Variants in GIGYF1 observed in about 807,000 individuals in gnomAD.
The protein encoded by GIGYF1 is GRB10 interacting GYF protein 1, also known as GRB10-interacting GYF protein 1.
GIGYF1 carries 84 observed loss-of-function variants against 147.1 expected under a neutral mutation model. The observed-to-expected ratio is 0.57, with a 90% confidence interval of 0.48 to 0.68. The LOEUF is 0.68. Ranked by LOEUF, GIGYF1 falls within the 30% of genes least tolerant of loss-of-function variation. GIGYF1 has a pLI of 0.00. For missense variants in GIGYF1, 1,485 were observed against 1,393.7 expected, an observed-to-expected ratio of 1.07 and a Z score of -1.04; for synonymous variants, 752 against 589.5, an observed-to-expected ratio of 1.28 and a Z score of -3.99.
At position 100,683,204 on chromosome 7, in the gene GIGYF1, C is replaced by G. The variant is rs776396510; in HGVS notation, c.2220G>C (p.Lys740Asn). The G allele has an allele frequency of 6.2e-7, 1 of 1,610,022 alleles. No individual in the cohort carries two copies. The highest frequency in any genetic ancestry group is 8.5e-7 in the Non-Finnish European group (1 of 1,179,850). Residue 740 changes from lysine to asparagine, a missense_variant, in exon 22 of 27, where the codon AAG becomes AAC. Lys to Asn is a moderately conservative substitution (Grantham distance 94, BLOSUM62 0). Coordinates refer to ENST00000678049, the MANE Select transcript of GIGYF1 (RefSeq NM_001375765.1). Reference protein sequence around the residue: ...KHVRQQELLLKLLQQQQAVPV... With the variant: ...KHVRQQELLLNLLQQQQAVPV... The stretch of plus-strand genomic sequence containing the variant: ...GGACCGCCTGCTGCTGCTGTAGCAA[C>G]TTCAGCAATAGCTCCTGCTGCCGCA...
chr7:100,688,263 G>A lies in GIGYF1; in HGVS notation c.-25C>T, dbSNP rs767669735. 1.9e-6 allele frequency: 3 copies of A among 1,597,142 alleles called. No individual in the cohort carries two copies. Among genetic ancestry groups the A allele is most frequent in the East Asian group, 2.2e-5 (1 of 44,684 alleles). ...TCGTGGGGCTGGGCGTGTTTGAGAG[G>A]CCGGGGGTGGGGAGGAGGGGACCTG... is the stretch of plus-strand genomic sequence containing the variant. On this transcript the variant is annotated 5_prime_UTR_variant, in exon 4 of 27. Coordinates refer to ENST00000678049, the MANE Select transcript of GIGYF1 (RefSeq NM_001375765.1).
chr7:100,686,469 A>G (rs774222033), intron 10 of GIGYF1, 36 bp from the exon 11 acceptor site: 1 of 1,548,914 alleles, frequency 6.5e-7, no homozygotes, highest in Non-Finnish European at 8.7e-7. Flanking sequence ...AAGAGTGGGT[A>G]CCCAAGCGAA....
At chr7:100,690,962 G>A (rs1805784639) in intron 1 of GIGYF1, among the ~76,000 whole-genome samples, 1 of 152,040 alleles carries the variant, frequency 6.6e-6, no homozygotes, top group Non-Finnish European at 1.5e-5. Context: ...CACCAAGACA[G>A]GGGAGAGAGC....
chr7:100,684,412 C>A, intron 16 of GIGYF1, 38 bp downstream of exon 16: 1 of 1,609,392 alleles, frequency 6.2e-7, no homozygotes. Context: ...CGGCACCCCT[C>A]ACACCCTGTC....
rs1804786441 is a variant in GIGYF1, at chr7:100,681,710, C to T, written c.*9G>A. 12 of 1,550,222 alleles carry T rather than the reference C, an allele frequency of 7.7e-6. No individual in the cohort carries two copies. Among genetic ancestry groups the T allele is most frequent in the African/African-American group, 1.4e-5 (1 of 73,306 alleles). On this transcript the variant is annotated 3_prime_UTR_variant, in exon 27 of 27. Coordinates refer to ENST00000678049, the MANE Select transcript of GIGYF1 (RefSeq NM_001375765.1). ...GGCCTACAGCCCAGGGGCTGGGGGTCCGGGCTGGTCAGTAGTCATCCACGC... is the reference window on the plus strand; with the variant it reads ...GGCCTACAGCCCAGGGGCTGGGGGTTCGGGCTGGTCAGTAGTCATCCACGC...
intron 8 of GIGYF1, 100 bp from the exon 9 acceptor site, chr7:100,687,146 G>A: frequency 6.5e-7 from 1 of 1,527,186 alleles, no homozygotes; most frequent in Admixed American, 1.7e-5. Context: ...AGGCAGTGGA[G>A]GGAGGAAGGG....
chr7:100,685,229 C>T lies in GIGYF1; in HGVS notation c.1193-83G>A, dbSNP rs373963224. ...CGCCTACTCTCACTCCAGAACACCA[C>T]GCTCTTGCCATGGCTCCTCAATGTG... is the stretch of plus-strand genomic sequence containing the variant. On this transcript the variant is annotated intron_variant, in intron 13 of 26. Transcript: ENST00000678049. 750 of 1,519,590 alleles carry T rather than the reference C, an allele frequency of 4.9e-4. 14 individuals carry two copies. In the South Asian group the frequency reaches 8.7e-3, roughly 18 times the overall value. 94.1% of individuals were successfully genotyped at this position (1,519,590 alleles called of 1,614,324 possible). A position where few individuals can be genotyped will look rare whatever the true frequency, so the allele number is the denominator to read the frequency against.
At position 100,683,121 on chromosome 7, in the gene GIGYF1, C is replaced by T; in HGVS notation, c.2303G>A (p.Gly768Glu). Residue 768 changes from glycine to glutamate, a missense_variant, in exon 22 of 27, where the codon GGG becomes GAG. Transcript: ENST00000678049. ...CTCCAGGAGCGTCTTCATGGACAGC[C>T]CCTGCTTGGCCAGGCCAGCCCAGAG... ...PPLWAGLAKQGLSMKTLLELQ... is the reference protein window; with the variant it reads ...PPLWAGLAKQELSMKTLLELQ... 1 of 1,593,856 alleles carries T rather than the reference C, an allele frequency of 6.3e-7. No homozygotes were observed. The highest frequency in any genetic ancestry group is 8.5e-7 in the Non-Finnish European group (1 of 1,174,626).
In GIGYF1 at chr7:100,683,596, G is replaced by C. The variant is rs551798337; in HGVS notation, c.2006C>G (p.Ser669Cys). ...TTCTAGAATTGGACCCTGAGTCGAA[G>C]AGTTAATTGGTATGTCCCAAAGACT... ...EASLWDIPIN[S>C]STQGPILEQL... Residue 669 changes from serine to cysteine, a missense_variant, in exon 20 of 27, where the codon TCT (serine) becomes TGT (cysteine). Ser to Cys is a moderately radical substitution (Grantham distance 112). Coordinates refer to ENST00000678049, the MANE Select transcript of GIGYF1 (RefSeq NM_001375765.1). 8.1e-6 allele frequency: 13 copies of C among 1,614,092 alleles called. No homozygotes were observed. Among genetic ancestry groups the C allele is most frequent in the African/African-American group, 2.7e-5 (2 of 74,930 alleles).
At position 100,686,306 on chromosome 7, in the gene GIGYF1, G is replaced by GT; in HGVS notation, c.821dup (p.His274GlnfsTer9). ...CTTCAGGCGCTCGGCACCGCCGCAGGTGAGAGCTGCCTCCCCCTCCCCGCC... is the reference window on the plus strand; with the variant it reads ...CTTCAGGCGCTCGGCACCGCCGCAGGTTGAGAGCTGCCTCCCCCTCCCCGCC... On this transcript the variant is annotated frameshift_variant, in exon 11 of 27. Transcript: ENST00000678049. LOFTEE classifies it high-confidence loss of function. 6.2e-7 allele frequency: 1 copy of GT among 1,613,998 alleles called. No homozygotes were observed. The highest frequency in any genetic ancestry group is 8.5e-7 in the Non-Finnish European group (1 of 1,180,004).
At chr7:100,685,826 C>T (rs562779227) in intron 12 of GIGYF1, 148 bp downstream of exon 12, 1 of 655,560 alleles carries the variant, frequency 1.5e-6, no homozygotes, top group Non-Finnish European at 2.6e-6. Flanking sequence ...TCTGCTACCC[C>T]CTGGTTCCTC....
Position 100,684,809 on chromosome 7 carries a change from C to T in GIGYF1, c.1376G>A (p.Arg459His), listed in dbSNP as rs780767946. The T allele has an allele frequency of 1.2e-5, 20 of 1,610,212 alleles. No homozygotes were observed. Among genetic ancestry groups the T allele is most frequent in the African/African-American group, 5.3e-5 (4 of 74,890 alleles). ...FTAAMQTQGLRHSAAATALPL... is the reference protein window; with the variant it reads ...FTAAMQTQGLHHSAAATALPL... ...GAGGGCAGTGGCGGCTGCAGAGTGG[C>T]GCAGGCCCTGGGTCTGCATGGCAGC... Residue 459 changes from arginine to histidine, a missense_variant, in exon 15 of 27, where the codon CGC becomes CAC. Physicochemically the swap from Arg to His is conservative, Grantham distance 29 (BLOSUM62 0). Coordinates refer to ENST00000678049, the MANE Select transcript of GIGYF1 (RefSeq NM_001375765.1).
chr7:100,683,670 G>A, intron 19 of GIGYF1, 38 bp from the exon 20 acceptor site: 3 of 1,591,508 alleles, frequency 1.9e-6, no homozygotes, highest in Non-Finnish European at 2.6e-6. Flanking sequence ...CTGCAGGTGG[G>A]CACTTGGGCC....
intron 22 of GIGYF1, 25 bp downstream of exon 22, chr7:100,682,987 C>A: frequency 6.8e-7 from 1 of 1,461,796 alleles, no homozygotes; most frequent in South Asian, 1.3e-5. Context: ...GTAGGGGGAG[C>A]CCGGGAGGTT....
In GIGYF1 at chr7:100,688,585, G is replaced by C; in HGVS notation, c.-135+7C>G. Reference sequence around the variant, plus strand: ...AGCAGGGCAACCACCCTTGGCCCGGGGCTCACCTGGCAGCCTGGCCCGGGA... The same window carrying C: ...AGCAGGGCAACCACCCTTGGCCCGGCGCTCACCTGGCAGCCTGGCCCGGGA... On this transcript the variant is annotated splice_region_variant and intron_variant, in intron 2 of 26. Coordinates refer to ENST00000678049, the MANE Select transcript of GIGYF1 (RefSeq NM_001375765.1). 1 of 544,760 alleles carries C rather than the reference G, an allele frequency of 1.8e-6. No individual in the cohort carries two copies. The highest frequency in any genetic ancestry group is 3.5e-6 in the Non-Finnish European group (1 of 284,804). 33.7% of individuals were successfully genotyped at this position (544,760 alleles called of 1,614,324 possible). A position where few individuals can be genotyped will look rare whatever the true frequency, so the allele number is the denominator to read the frequency against.
At position 100,683,895 on chromosome 7, in the gene GIGYF1, G is replaced by A. The variant is rs539867743; in HGVS notation, c.1892C>T (p.Pro631Leu). The A allele has an allele frequency of 9.0e-6, 14 of 1,555,380 alleles. No individual in the cohort carries two copies. Among genetic ancestry groups the A allele is most frequent in the South Asian group, 8.2e-5 (7 of 84,894 alleles). The change falls in exon 19 of 27, where the codon CCG (proline) becomes CTG (leucine). Residue 631 changes from proline (P) to leucine (L), a missense_variant. Transcript: ENST00000678049. ...PPRGGDQNLL[P>L]TMSRSLSVPD... is the part of the protein sequence containing the mutation. ...CACCGACAAGGACCGGCTCATCGTC[G>A]GGAGCAGGTTCTGGTCCCCGCCTCT... is the stretch of plus-strand genomic sequence containing the variant.
chr7:100,684,320 C>T lies in GIGYF1; in HGVS notation c.1647G>A (p.Glu549=), dbSNP rs749368239. The T allele has an allele frequency of 1.8e-5, 28 of 1,598,186 alleles. No homozygotes were observed. In the South Asian group the frequency reaches 2.1e-4, roughly 12 times the overall value. The part of the protein sequence containing the change: ...PPPLLGNMDQ[E]RLKKQQELAA... ...CCAGCTCCTGTTGCTTCTTCAGCCG[C>T]TCCTGGTCCATGTTTCCCTGCTCAG... is the stretch of plus-strand genomic sequence containing the variant. Residue 549 remains glutamate (E), a synonymous_variant, in exon 17 of 27, where the codon GAG becomes GAA. Transcript: ENST00000678049.
chr7:100,683,181 A>G lies in GIGYF1; in HGVS notation c.2243T>C (p.Val748Ala). The change falls in exon 22 of 27, where the codon GTC becomes GCC. Residue 748 changes from valine to alanine, a missense_variant. Physicochemically the swap from Val to Ala is moderately conservative, Grantham distance 64. Coordinates refer to ENST00000678049, the MANE Select transcript of GIGYF1 (RefSeq NM_001375765.1). ...LLKLLQQQQAVPVPPAPSSPP... is the reference protein window; with the variant it reads ...LLKLLQQQQAAPVPPAPSSPP... ...GGAGCTGGGTGCGGGGGGCACAGGG[A>G]CCGCCTGCTGCTGCTGTAGCAACTT... The G allele has an allele frequency of 1.2e-6, 2 of 1,606,352 alleles. No individual in the cohort carries two copies. Among genetic ancestry groups the G allele is most frequent in the Non-Finnish European group, 8.5e-7 (1 of 1,179,334 alleles).
Position 100,685,164 on chromosome 7 carries a change from G to C in GIGYF1, c.1193-18C>G. On this transcript the variant is annotated intron_variant, in intron 13 of 26. Coordinates refer to ENST00000678049, the MANE Select transcript of GIGYF1 (RefSeq NM_001375765.1). The stretch of plus-strand genomic sequence containing the variant: ...AATATCATCTGGAAGGCATGAGATA[G>C]GAGGTGGAAAGAAGGGCGGGGAGGA... The C allele has an allele frequency of 3.2e-6, 5 of 1,566,678 alleles. No individual in the cohort carries two copies. The highest frequency in any genetic ancestry group is 4.3e-6 in the Non-Finnish European group (5 of 1,151,184).
Sources: gnomAD v4.1 joint callset for allele counts (sites outside exome capture counted in the v4.1 genomes callset) on GRCh38, gnomAD v4.1.1 for gene constraint, MANE v1.5 for transcripts, NCBI Gene and HGNC (gene_info 2026-07-23, HGNC 2026-07-21) for gene names.